TRPC7: variants seen among roughly 807,000 people sequenced by gnomAD.
The protein encoded by TRPC7 is short transient receptor potential channel 7.
TRPC7 carries 42 observed loss-of-function variants against 90.1 expected under a neutral mutation model. The ratio of observed to expected loss-of-function variants is 0.47; its 90% CI spans 0.36 to 0.60. TRPC7 has a LOEUF of 0.60. Among genes scored for constraint, TRPC7 ranks in the 20% least tolerant of loss-of-function variants. The probability of loss-of-function intolerance (pLI) is 0.00; values close to 1 mark genes in which losing one functional copy is unlikely to be tolerated. For synonymous variants in TRPC7, 451 were observed against 436.3 expected, an observed-to-expected ratio of 1.03 and a Z score of -0.42; for missense variants, 955 against 1,112.3, an observed-to-expected ratio of 0.86 and a Z score of 2.01.
intron 5 of TRPC7, among the ~76,000 whole-genome samples, chr5:136,259,905 C>G (rs182996659): frequency 9.2e-5 from 14 of 152,238 alleles, no homozygotes; most frequent in Admixed American, 9.2e-4. Context: ...CTCTCTGGCT[C>G]TGTCTACTTA....
chr5:136,222,776 TGA>T (rs936502654), intron 10 of TRPC7, among the ~76,000 whole-genome samples: 2 of 152,132 alleles, frequency 1.3e-5, no homozygotes, highest in African/African-American at 4.8e-5. Flanking sequence ...CATGACGTGG[TGA>T]GAGAGGGGGG....
intron 10 of TRPC7, among the ~76,000 whole-genome samples, chr5:136,218,006 A>G (rs1755326803): frequency 6.8e-6 from 1 of 146,646 alleles, no homozygotes; most frequent in Non-Finnish European, 1.5e-5. Context: ...CAACAGAGCA[A>G]GACTCTAATT....
chr5:136,333,851 A>G (rs914556629), intron 2 of TRPC7, among the ~76,000 whole-genome samples: 3 of 152,184 alleles, frequency 2.0e-5, no homozygotes, highest in African/African-American at 7.2e-5. Flanking sequence ...CTTTTATACA[A>G]ATTTATTTTC....
intron 2 of TRPC7, among the ~76,000 whole-genome samples, chr5:136,350,378 A>G (rs1363573297): frequency 1.3e-5 from 2 of 152,150 alleles, no homozygotes; most frequent in African/African-American, 2.4e-5. Context: ...TGTCTCTTTT[A>G]TCACACTCAA....
At chr5:136,344,721 C>T (rs187285600) in intron 2 of TRPC7, among the ~76,000 whole-genome samples, 20 of 152,278 alleles carry the variant, frequency 1.3e-4, no homozygotes, top group Admixed American at 1.1e-3. Context: ...GTCTAAAACA[C>T]AAGAATGCTT....
Position 136,346,498 on chromosome 5 carries a change from C to T in TRPC7, c.780+10110G>A, listed in dbSNP as rs1760010683. On this transcript the variant is annotated intron_variant, in intron 2 of 11. Transcript: ENST00000513104. ...CCAACACCATGAGTGCGCACACACACATATGTACACATACGTGGAACACAT... is the reference window on the plus strand; with the variant it reads ...CCAACACCATGAGTGCGCACACACATATATGTACACATACGTGGAACACAT... Among the ~76,000 whole-genome samples the T allele has an allele frequency of 5.9e-5, 9 of 152,216 alleles. 1 individual carries two copies. In the South Asian group the frequency reaches 1.9e-3, roughly 32 times the overall value.
chr5:136,292,116 C>T (rs1757979643), intron 3 of TRPC7, among the ~76,000 whole-genome samples: 1 of 152,140 alleles, frequency 6.6e-6, no homozygotes, highest in African/African-American at 2.4e-5. Flanking sequence ...CACAGCATAC[C>T]AGAATCTCTG....
intron 5 of TRPC7, among the ~76,000 whole-genome samples, chr5:136,263,786 C>T (rs1200004075): frequency 6.6e-6 from 1 of 152,050 alleles, no homozygotes; most frequent in Non-Finnish European, 1.5e-5. Context: ...CAGTGATATA[C>T]ACAAAAATAT....
At chr5:136,217,103 C>T (rs985182159) in intron 10 of TRPC7, among the ~76,000 whole-genome samples, 24 of 152,174 alleles carry the variant, frequency 1.6e-4, no homozygotes, top group African/African-American at 5.5e-4. Context: ...TAAAAATACT[C>T]GGGTAGCCGA....
At chr5:136,291,118 C>T (rs1757931254) in intron 3 of TRPC7, among the ~76,000 whole-genome samples, 2 of 152,174 alleles carry the variant, frequency 1.3e-5, no homozygotes, top group Non-Finnish European at 2.9e-5. Context: ...ACCAGGCCTG[C>T]CCTACAAGAG....
intron 10 of TRPC7, among the ~76,000 whole-genome samples, chr5:136,218,900 G>A (rs1451627225): frequency 2.6e-5 from 4 of 152,182 alleles, no homozygotes; most frequent in Non-Finnish European, 4.4e-5. Context: ...TTACAAATGA[G>A]GACACTGAGG....
intron 7 of TRPC7, among the ~76,000 whole-genome samples, chr5:136,234,464 T>C (rs1023247005): frequency 1.3e-5 from 2 of 152,010 alleles, no homozygotes; most frequent in African/African-American, 4.8e-5. Flanking sequence ...CGCGCGCCAC[T>C]GTGCCCAGCT....
At chr5:136,219,078 G>A (rs1755367970) in intron 10 of TRPC7, among the ~76,000 whole-genome samples, 1 of 152,170 alleles carries the variant, frequency 6.6e-6, no homozygotes, top group Admixed American at 6.5e-5. Flanking sequence ...AGTCAAAGAG[G>A]GTTTGGGCTG....
At chr5:136,213,675 G>T in intron 11 of TRPC7, 71 bp from the exon 12 acceptor site, 5 of 1,493,368 alleles carry the variant, frequency 3.3e-6, no homozygotes, top group Non-Finnish European at 4.6e-6. Context: ...TGCACATGTG[G>T]GCATGTGCAT....
chr5:136,219,820 T>A (rs28368891), intron 10 of TRPC7, among the ~76,000 whole-genome samples: 2,265 of 152,342 alleles, frequency 0.015, 62 homozygotes, highest in African/African-American at 0.052. Flanking sequence ...TTCTGTTATG[T>A]GCATGCTGCA....
chr5:136,335,277 A>C (rs778713698), intron 2 of TRPC7, among the ~76,000 whole-genome samples: 4 of 152,046 alleles, frequency 2.6e-5, no homozygotes, highest in Non-Finnish European at 4.4e-5. Context: ...AGTCCTGCAG[A>C]CATTTCAAAA....
intron 3 of TRPC7, among the ~76,000 whole-genome samples, chr5:136,298,383 G>C (rs376275641): frequency 5.3e-5 from 8 of 152,242 alleles, no homozygotes; most frequent in African/African-American, 1.9e-4. Flanking sequence ...GAGTTAGACA[G>C]GGAGGCAAGG....
At chr5:136,260,203 A>C (rs1756812247) in intron 5 of TRPC7, among the ~76,000 whole-genome samples, 1 of 152,220 alleles carries the variant, frequency 6.6e-6, no homozygotes, top group African/African-American at 2.4e-5. Flanking sequence ...GCTACAGTTA[A>C]ACAGAAGATG....
chr5:136,307,797 T>C (rs1194130786), intron 3 of TRPC7, among the ~76,000 whole-genome samples: 1 of 152,196 alleles, frequency 6.6e-6, no homozygotes, highest in East Asian at 1.9e-4. Context: ...GCTTGAGAAA[T>C]GTTGACTTAG....
Sources: allele counts gnomAD v4.1 joint callset (sites outside exome capture counted in the v4.1 genomes callset), GRCh38; gene constraint gnomAD v4.1.1; transcripts MANE v1.5; gene names NCBI Gene and HGNC (gene_info 2026-07-23, HGNC 2026-07-21).